Variants in SLC71A1 observed in about 807,000 individuals in gnomAD.
SLC71A1 encodes hippocampus abundant gene transcript 1.
the SLC71A1 span, among the ~76,000 whole-genome samples, chr1:100,059,144 G>GTTTTTT: frequency 4.5e-4 from 34 of 75,414 alleles, 4 homozygotes; most frequent in African/African-American, 1.5e-3. Context: ...TCTTTTTCGT[G>GTTTTTT]TTTTTTTTTT....
chr1:100,074,800 C>T, the SLC71A1 span, among the ~76,000 whole-genome samples: 6 of 151,964 alleles, frequency 3.9e-5, no homozygotes, highest in Admixed American at 2.6e-4. Flanking sequence ...GCTTGAACCC[C>T]GGAGGCAGAG....
the SLC71A1 span, chr1:100,058,786 C>T: frequency 2.4e-5 from 20 of 848,896 alleles, no homozygotes; most frequent in East Asian, 5.2e-5. Context: ...TACACGCACA[C>T]GGATGAACAT....
the SLC71A1 span, among the ~76,000 whole-genome samples, chr1:100,057,334 GTT>G: frequency 7.5e-6 from 1 of 132,978 alleles, no homozygotes. Context: ...GTCTGCGACT[GTT>G]TTTTTTTTTC....
chr1:100,069,690 GT>G, the SLC71A1 span: 1 of 1,598,446 alleles, frequency 6.3e-7, no homozygotes, highest in Non-Finnish European at 8.6e-7. Flanking sequence ...GCACAGGTGA[GT>G]TTCTTTTTTT....
chr1:100,069,561 A>G, the SLC71A1 span: 249 of 1,108,818 alleles, frequency 2.2e-4, 2 homozygotes, highest in Middle Eastern at 1.2e-3. Flanking sequence ...GTGGTTTTCT[A>G]TCTGGTATAC....
chr1:100,078,590 A>C, the SLC71A1 span: 2 of 1,337,994 alleles, frequency 1.5e-6, no homozygotes, highest in African/African-American at 2.9e-5. Context: ...AAAAGTACAG[A>C]ATGTTCTAAT....
At chr1:100,052,360 G>A in the SLC71A1 span, among the ~76,000 whole-genome samples, 12 of 151,608 alleles carry the variant, frequency 7.9e-5, no homozygotes, top group African/African-American at 2.9e-4. Context: ...AACAAGGAAG[G>A]AGTCCCCTTA....
chr1:100,076,135 C>A, the SLC71A1 span, among the ~76,000 whole-genome samples: 67 of 152,266 alleles, frequency 4.4e-4, no homozygotes, highest in Non-Finnish European at 8.1e-4. Flanking sequence ...GCTGTGAGTT[C>A]TAATTGCTCA....
At chr1:100,059,586 C>T in the SLC71A1 span, among the ~76,000 whole-genome samples, 1 of 151,686 alleles carries the variant, frequency 6.6e-6, no homozygotes, top group East Asian at 1.9e-4. Context: ...TATACACACA[C>T]ATACACAAAC....
chr1:100,038,400 C>A, the SLC71A1 span: 2 of 1,119,378 alleles, frequency 1.8e-6, no homozygotes, highest in Non-Finnish European at 2.6e-6. Context: ...CGTCTCTAGG[C>A]GTCCCGGTGC....
the SLC71A1 span, among the ~76,000 whole-genome samples, chr1:100,064,034 G>C: frequency 1.3e-5 from 2 of 152,196 alleles, no homozygotes; most frequent in East Asian, 1.9e-4. Flanking sequence ...CTGAGATCTG[G>C]GTCCCTCTGA....
the SLC71A1 span, among the ~76,000 whole-genome samples, chr1:100,051,102 A>C: frequency 1.3e-5 from 2 of 149,598 alleles, no homozygotes; most frequent in East Asian, 2.0e-4. Flanking sequence ...AAAAAACAAA[A>C]AAAAAAACAG....
the SLC71A1 span, chr1:100,077,382 T>C: frequency 4.7e-6 from 3 of 639,946 alleles, no homozygotes; most frequent in Non-Finnish European, 2.7e-6. Context: ...TCTCATACTA[T>C]GCTTTTTATC....
the SLC71A1 span, chr1:100,059,806 G>A: frequency 7.4e-7 from 1 of 1,344,226 alleles, no homozygotes; most frequent in Non-Finnish European, 1.0e-6. Flanking sequence ...TTTTCTATAG[G>A]AGTAAAATGA....
At chr1:100,058,806 CAT>C in the SLC71A1 span, 1 of 739,704 alleles carries the variant, frequency 1.4e-6, no homozygotes, top group Non-Finnish European at 2.3e-6. Flanking sequence ...TACATAAATA[CAT>C]ATATATAACT....
chr1:100,040,822 A>G, the SLC71A1 span, among the ~76,000 whole-genome samples: 2 of 152,128 alleles, frequency 1.3e-5, no homozygotes, highest in Non-Finnish European at 2.9e-5. Context: ...TGTGTTTTTT[A>G]ATTCATCGTA....
At chr1:100,064,116 TG>T in the SLC71A1 span, among the ~76,000 whole-genome samples, 53 of 152,202 alleles carry the variant, frequency 3.5e-4, no homozygotes, top group African/African-American at 1.3e-3. Flanking sequence ...TATGTGTGTG[TG>T]TGTATGTATG....
chr1:100,039,345 G>C, the SLC71A1 span, among the ~76,000 whole-genome samples: 1 of 152,210 alleles, frequency 6.6e-6, no homozygotes, highest in East Asian at 1.9e-4. Context: ...TAGCACAGTA[G>C]TAAATGTGTA....
chr1:100,081,126 T>C, the SLC71A1 span, among the ~76,000 whole-genome samples: 1 of 152,248 alleles, frequency 6.6e-6, no homozygotes, highest in African/African-American at 2.4e-5. Flanking sequence ...CAGAGTTCTG[T>C]ACTTATCTTC....
Sources: allele counts gnomAD v4.1 joint callset (sites outside exome capture counted in the v4.1 genomes callset), GRCh38; gene constraint gnomAD v4.1.1; transcripts MANE v1.5; gene names NCBI Gene and HGNC (gene_info 2026-07-23, HGNC 2026-07-21).